GAS7: variants seen among roughly 807,000 people sequenced by gnomAD.
The protein encoded by GAS7 is growth arrest specific 7, also known as growth arrest-specific protein 7.
In GAS7, 28 loss-of-function variants were observed where a neutral mutation model predicts 71.1. The observed-to-expected ratio is 0.39, with a 90% confidence interval of 0.29 to 0.54. The LOEUF (loss-of-function observed/expected upper bound fraction) is 0.54. GAS7 is among the 20% of genes least tolerant of loss of function. GAS7 has a pLI of 0.62. For synonymous variants in GAS7, 258 were observed against 245.8 expected, an observed-to-expected ratio of 1.05 and a Z score of -0.46; for missense variants, 436 against 627.8, an observed-to-expected ratio of 0.69 and a Z score of 3.27.
chr17:10,085,341 C>T (rs2073505453), intron 1 of GAS7, among the ~76,000 whole-genome samples: 2 of 152,128 alleles, frequency 1.3e-5, no homozygotes, highest in African/African-American at 2.4e-5. Flanking sequence ...CTCAGGATCT[C>T]GATTTCCCCA....
intron 1 of GAS7, among the ~76,000 whole-genome samples, chr17:10,022,526 G>A (rs950405221): frequency 1.3e-5 from 2 of 152,208 alleles, no homozygotes; most frequent in African/African-American, 4.8e-5. Context: ...AGCCTTCAGT[G>A]CCAATCCTGC....
intron 4 of GAS7, among the ~76,000 whole-genome samples, chr17:9,961,134 C>T (rs1024355690): frequency 6.6e-6 from 1 of 152,232 alleles, no homozygotes; most frequent in Admixed American, 6.5e-5. Context: ...TGTGGTTTCA[C>T]TGAGGTACCT....
intron 1 of GAS7, among the ~76,000 whole-genome samples, chr17:10,176,607 G>A (rs1418913506): frequency 6.6e-6 from 1 of 152,162 alleles, no homozygotes; most frequent in African/African-American, 2.4e-5. Context: ...TGTGGAAGGG[G>A]TGTTGGAAGG....
At chr17:10,102,140 T>G (rs2073707299) in intron 1 of GAS7, among the ~76,000 whole-genome samples, 1 of 135,880 alleles carries the variant, frequency 7.4e-6, no homozygotes, top group African/African-American at 2.8e-5. Context: ...CTAAGCTGAA[T>G]GAGTTTTGAA....
chr17:9,931,954 C>T (rs1344215567), intron 9 of GAS7, among the ~76,000 whole-genome samples: 1 of 152,164 alleles, frequency 6.6e-6, no homozygotes. Flanking sequence ...CTTGCAATTG[C>T]AGTAGGAACG....
At chr17:9,939,079 A>G (rs533041653) in intron 8 of GAS7, among the ~76,000 whole-genome samples, 1 of 152,066 alleles carries the variant, frequency 6.6e-6, no homozygotes, top group Non-Finnish European at 1.5e-5. Flanking sequence ...TTTGGCTATT[A>G]TGAATATTGC....
chr17:10,012,364 T>C (rs1234111416), intron 2 of GAS7, among the ~76,000 whole-genome samples: 1 of 152,160 alleles, frequency 6.6e-6, no homozygotes, highest in Non-Finnish European at 1.5e-5. Flanking sequence ...TTCGGTTCAT[T>C]GCAACCTCTG....
intron 1 of GAS7, among the ~76,000 whole-genome samples, chr17:10,039,255 G>C (rs932704213): frequency 7.4e-5 from 11 of 149,258 alleles, no homozygotes; most frequent in African/African-American, 2.5e-4. Context: ...AAGACCCACA[G>C]AGATAGTTTA....
At chr17:9,947,690 G>A (rs2068841315) in intron 5 of GAS7, among the ~76,000 whole-genome samples, 1 of 151,680 alleles carries the variant, frequency 6.6e-6, no homozygotes, top group African/African-American at 2.4e-5. Context: ...GTTGCAGTGA[G>A]CCGAGATGGC....
chr17:10,082,652 C>T (rs778753333), intron 1 of GAS7, among the ~76,000 whole-genome samples: 3 of 152,152 alleles, frequency 2.0e-5, no homozygotes, highest in Non-Finnish European at 2.9e-5. Flanking sequence ...CGTACTTATG[C>T]CAGAAAAGTG....
At chr17:9,983,597 A>C (rs9911628) in intron 2 of GAS7, among the ~76,000 whole-genome samples, 58,047 of 151,378 alleles carry the variant, frequency 0.38, 13,029 homozygotes, top group African/African-American at 0.64. Flanking sequence ...GACCACCCTG[A>C]CCAACATGGT....
intron 1 of GAS7, among the ~76,000 whole-genome samples, chr17:10,100,398 C>G (rs1326417937): frequency 6.6e-6 from 1 of 151,748 alleles, no homozygotes; most frequent in Non-Finnish European, 1.5e-5. Flanking sequence ...TCCCAGAGGT[C>G]TCCTCTCTGC....
chr17:10,103,686 T>C lies in GAS7; in HGVS notation c.184-83789A>G, dbSNP rs1206249669. Among the ~76,000 whole-genome samples, 5 of 151,796 alleles carry C rather than the reference T, an allele frequency of 3.3e-5. No individual in the cohort carries two copies. Among genetic ancestry groups the C allele is most frequent in the South Asian group, 2.1e-4 (1 of 4,816 alleles). ...ACCAAAAATACAAAAATTAGCTGGG[T>C]GTGGTGGCACATGCCTGTAATCCCG... On this transcript the variant is annotated intron_variant, in intron 1 of 13. Transcript: ENST00000432992. The surrounding 1 kb of genome is among the most constrained non-coding windows in gnomAD (Gnocchi z 5.5).
At chr17:9,968,624 G>C (rs979464760) in intron 4 of GAS7, among the ~76,000 whole-genome samples, 1 of 152,170 alleles carries the variant, frequency 6.6e-6, no homozygotes, top group East Asian at 1.9e-4. Flanking sequence ...TATACTAACA[G>C]CCAATGGGTC....
intron 4 of GAS7, among the ~76,000 whole-genome samples, chr17:9,968,040 T>C (rs1252159646): frequency 6.6e-6 from 1 of 152,234 alleles, no homozygotes; most frequent in Non-Finnish European, 1.5e-5. Context: ...TTTCTCATAT[T>C]CTTCCTGATG....
intron 1 of GAS7, among the ~76,000 whole-genome samples, chr17:10,130,887 G>C (rs2073991901): frequency 6.6e-6 from 1 of 152,210 alleles, no homozygotes; most frequent in Admixed American, 6.5e-5. Context: ...AATGGGAATG[G>C]CATTGCTTTT....
chr17:10,075,705 G>A (rs2152248944), intron 1 of GAS7, among the ~76,000 whole-genome samples: 1 of 151,744 alleles, frequency 6.6e-6, no homozygotes, highest in Non-Finnish European at 1.5e-5. Context: ...TGAAGAAGGA[G>A]GATCACTTGG....
At chr17:10,068,208 C>T (rs748766622) in intron 1 of GAS7, among the ~76,000 whole-genome samples, 3 of 152,138 alleles carry the variant, frequency 2.0e-5, no homozygotes, top group South Asian at 2.1e-4. Context: ...CTTGATAGGC[C>T]GGCTCTTCCC....
intron 1 of GAS7, among the ~76,000 whole-genome samples, chr17:10,115,333 A>T (rs1220307861): frequency 1.3e-5 from 2 of 151,452 alleles, no homozygotes; most frequent in Admixed American, 1.3e-4. Flanking sequence ...AGGCGGGGGG[A>T]ACGCTGCAAA....
Sources: allele counts gnomAD v4.1 joint callset (sites outside exome capture counted in the v4.1 genomes callset), GRCh38; gene constraint gnomAD v4.1.1; non-coding constraint Gnocchi (gnomAD v3.1); transcripts MANE v1.5; gene names NCBI Gene and HGNC (gene_info 2026-07-23, HGNC 2026-07-21).